Variants in PTK2 observed in about 807,000 individuals in gnomAD.
The protein encoded by PTK2 is protein tyrosine kinase 2, also known as focal adhesion kinase 1.
PTK2 carries 45 observed loss-of-function variants against 150.1 expected under a neutral mutation model. The observed-to-expected ratio is 0.30, with a 90% CI of 0.24 to 0.38. PTK2 has a LOEUF of 0.38. Among genes scored for constraint, PTK2 ranks in the 10% least tolerant of loss-of-function variants. The pLI is 1.00. For missense variants in PTK2, 919 were observed against 1,307.3 expected (o/e 0.70, Z 4.58); for synonymous variants, 432 against 449.2 (o/e 0.96, Z 0.48).
chr8:140,822,014 A>G (rs1306812643), intron 8 of PTK2: 1 of 152,224 alleles, frequency 6.6e-6, no homozygotes, highest in Non-Finnish European at 1.5e-5. Flanking sequence ...GACAGACTCT[A>G]CAACAGAGCA....
chr8:140,890,835 G>T, intron 2 of PTK2, 66 bp from the exon 3 acceptor site: 2 of 1,337,258 alleles, frequency 1.5e-6, no homozygotes, highest in Non-Finnish European at 2.1e-6. Flanking sequence ...AATGTGATAT[G>T]TTGTTTATAT....
chr8:140,964,112 T>G (rs1165979075), intron 1 of PTK2, among the ~76,000 whole-genome samples: 1 of 152,156 alleles, frequency 6.6e-6, no homozygotes, highest in East Asian at 1.9e-4. Flanking sequence ...TCAGTTCAAG[T>G]GCAACCAAAA....
At chr8:140,953,478 G>A (rs1326896891) in intron 1 of PTK2, among the ~76,000 whole-genome samples, 1 of 152,130 alleles carries the variant, frequency 6.6e-6, no homozygotes, top group African/African-American at 2.4e-5. Context: ...ACTAACAGGC[G>A]GGCAGCATAC....
intron 5 of PTK2, among the ~76,000 whole-genome samples, chr8:140,851,047 G>A (rs2100128978): frequency 6.6e-6 from 1 of 152,170 alleles, no homozygotes; most frequent in Admixed American, 6.5e-5. Context: ...GAAAGAGGAT[G>A]GGGCAGAGGG....
intron 2 of PTK2, among the ~76,000 whole-genome samples, chr8:140,910,502 T>C (rs2100162697): frequency 6.6e-6 from 1 of 152,078 alleles, no homozygotes; most frequent in South Asian, 2.1e-4. Flanking sequence ...TAATCACAGT[T>C]TGAAAAGGAG....
intron 1 of PTK2, among the ~76,000 whole-genome samples, chr8:140,962,455 C>G (rs1250971726): frequency 6.6e-6 from 1 of 152,158 alleles, no homozygotes; most frequent in Non-Finnish European, 1.5e-5. Flanking sequence ...ACTATGCCTA[C>G]TACAAACACA....
exon 2 of PTK2, chr8:140,925,685 C>T: frequency 4.1e-6 from 4 of 985,198 alleles, no homozygotes; most frequent in Non-Finnish European, 4.8e-6. Context: ...TCTTGAGGAG[C>T]TCTGGGGAAA....
chr8:140,820,615 C>G (rs972419399), intron 8 of PTK2: 2 of 149,562 alleles, frequency 1.3e-5, no homozygotes, highest in African/African-American at 4.9e-5. Flanking sequence ...TAACTGGACT[C>G]CAATGGATTT....
intron 22 of PTK2, among the ~76,000 whole-genome samples, chr8:140,722,571 G>A (rs541864261): frequency 6.6e-6 from 1 of 152,218 alleles, no homozygotes; most frequent in East Asian, 1.9e-4. Context: ...CCCAGCCCCT[G>A]TTCTCTCAAC....
intron 14 of PTK2, among the ~76,000 whole-genome samples, chr8:140,781,555 G>T (rs922691762): frequency 6.6e-6 from 1 of 152,162 alleles, no homozygotes; most frequent in Non-Finnish European, 1.5e-5. Context: ...TGTGGGCTGG[G>T]AAGAGTTTAT....
At chr8:140,977,042 G>A (rs564789876) in intron 1 of PTK2, among the ~76,000 whole-genome samples, 1 of 152,206 alleles carries the variant, frequency 6.6e-6, no homozygotes, top group Non-Finnish European at 1.5e-5. Context: ...AAAGGAATCA[G>A]TAGAATTTAC....
chr8:140,936,944 A>G (rs2100173845), intron 1 of PTK2, among the ~76,000 whole-genome samples: 1 of 152,164 alleles, frequency 6.6e-6, no homozygotes, highest in Non-Finnish European at 1.5e-5. Flanking sequence ...TATTATAATG[A>G]CTACTGCTCT....
intron 26 of PTK2, among the ~76,000 whole-genome samples, chr8:140,697,408 A>G (rs553327727): frequency 6.9e-6 from 1 of 144,130 alleles, no homozygotes; most frequent in South Asian, 2.2e-4. Context: ...AAGTTCTTAG[A>G]ATACGGTTTG....
At chr8:140,674,090 A>G in intron 29 of PTK2, 1 of 723,966 alleles carries the variant, frequency 1.4e-6, no homozygotes, top group East Asian at 2.6e-5. Context: ...AGGAAAATGG[A>G]AAAGAAAATG....
chr8:140,780,349 C>T (rs1435182145), intron 14 of PTK2, among the ~76,000 whole-genome samples: 1 of 152,120 alleles, frequency 6.6e-6, no homozygotes, highest in Non-Finnish European at 1.5e-5. Flanking sequence ...TTAGTCTTAA[C>T]ATCACAAAGA....
intron 7 of PTK2, chr8:140,832,992 A>G (rs554252543): frequency 7.7e-6 from 4 of 518,934 alleles, no homozygotes; most frequent in South Asian, 2.8e-5. Context: ...CTACACATCT[A>G]TTTTTCTCAG....
intron 30 of PTK2, among the ~76,000 whole-genome samples, chr8:140,665,674 T>C (rs1426880940): frequency 2.0e-5 from 3 of 152,210 alleles, no homozygotes; most frequent in East Asian, 3.8e-4. Context: ...TCAAATTACA[T>C]GTAATATGAA....
chr8:140,863,557 G>A (rs1043396006), intron 5 of PTK2, among the ~76,000 whole-genome samples: 4 of 152,146 alleles, frequency 2.6e-5, no homozygotes, highest in African/African-American at 9.7e-5. Flanking sequence ...TTCTTGTCTA[G>A]AAAACACAAC....
chr8:140,666,425 A>G (rs930350916), intron 30 of PTK2, among the ~76,000 whole-genome samples: 3 of 152,168 alleles, frequency 2.0e-5, no homozygotes, highest in Admixed American at 1.3e-4. Context: ...ATGATTTAAA[A>G]AACAGGCCAA....
Sources: gnomAD v4.1 joint callset for allele counts (sites outside exome capture counted in the v4.1 genomes callset) on GRCh38, gnomAD v4.1.1 for gene constraint, MANE v1.5 for transcripts, NCBI Gene and HGNC (gene_info 2026-07-23, HGNC 2026-07-21) for gene names.